The following TNRC6A variants were observed in gnomAD, a reference collection of about 807,000 sequenced individuals.
TNRC6A encodes trinucleotide repeat containing adaptor 6A.
In TNRC6A, 44 loss-of-function variants were observed where a neutral mutation model predicts 221.2. That is an observed-to-expected ratio of 0.20 (90% CI 0.16 to 0.26). The LOEUF is 0.26. Among genes scored for constraint, TNRC6A ranks in the 10% least tolerant of loss-of-function variants. The pLI is 1.00. For missense variants in TNRC6A, 2,199 were observed against 2,404.4 expected (o/e 0.91, Z 1.79); for synonymous variants, 847 against 838.5 (o/e 1.01, Z -0.18).
At chr16:24,702,107 CTTTTTTTT>C (rs201421601) in intron 2 of TNRC6A, among the ~76,000 whole-genome samples, 3 of 50,252 alleles carry the variant, frequency 6.0e-5, no homozygotes, top group Non-Finnish European at 1.1e-4. Flanking sequence ...TTTCTTTTTT[CTTTTTTTT>C]TTTTTTTTTT....
At chr16:24,741,376 G>A (rs1260084736) in intron 2 of TNRC6A, among the ~76,000 whole-genome samples, 1 of 152,142 alleles carries the variant, frequency 6.6e-6, no homozygotes, top group Admixed American at 6.5e-5. Flanking sequence ...TGCTTTTTCT[G>A]TGTCTCTTGA....
chr16:24,738,049 C>G (rs929008863), intron 2 of TNRC6A, among the ~76,000 whole-genome samples: 2 of 152,186 alleles, frequency 1.3e-5, no homozygotes, highest in African/African-American at 4.8e-5. Flanking sequence ...AATGTGCATT[C>G]TCTACACTGC....
At chr16:24,763,613 C>T (rs766717398) in intron 4 of TNRC6A, among the ~76,000 whole-genome samples, 4 of 152,186 alleles carry the variant, frequency 2.6e-5, no homozygotes, top group Non-Finnish European at 4.4e-5. Context: ...ATTCTAAACT[C>T]AGGTTTCATA....
intron 1 of TNRC6A, among the ~76,000 whole-genome samples, chr16:24,623,227 C>T (rs1900774910): frequency 6.6e-6 from 1 of 150,970 alleles, no homozygotes; most frequent in Admixed American, 6.6e-5. Flanking sequence ...GAGACGGAGT[C>T]TCCTTCTGTC....
chr16:24,787,664 G>A (rs534441538), intron 5 of TNRC6A, among the ~76,000 whole-genome samples: 24 of 152,202 alleles, frequency 1.6e-4, no homozygotes, highest in Middle Eastern at 3.2e-3. Context: ...TAAACAGGGA[G>A]TGGAAATTAG....
At chr16:24,806,319 G>A (rs777139798) in intron 16 of TNRC6A, 36 bp downstream of exon 16, 1 of 1,609,582 alleles carries the variant, frequency 6.2e-7, no homozygotes, top group Non-Finnish European at 8.5e-7. Flanking sequence ...TGCTGTCTTT[G>A]TGTTAATAAA....
At chr16:24,809,935 C>G (rs1161806939) in intron 18 of TNRC6A, among the ~76,000 whole-genome samples, 1 of 152,190 alleles carries the variant, frequency 6.6e-6, no homozygotes, top group East Asian at 1.9e-4. Flanking sequence ...ACCTCAGCCT[C>G]CTGAGTAGCT....
intron 4 of TNRC6A, among the ~76,000 whole-genome samples, chr16:24,771,591 T>TTTATGTTATGTTATGTTATGTTGTG (rs2057609129): frequency 3.3e-5 from 5 of 149,524 alleles, no homozygotes; most frequent in Non-Finnish European, 7.4e-5. Context: ...GTTGTTATGT[T>TTTATGTTATGTTATGTTATGTTGTG]ATGTTATGTT....
chr16:24,777,663 G>A (rs999118177), intron 5 of TNRC6A, among the ~76,000 whole-genome samples: 4 of 152,140 alleles, frequency 2.6e-5, no homozygotes, highest in African/African-American at 9.7e-5. Flanking sequence ...CCCAGGCCAT[G>A]TGCTGAGCAG....
At chr16:24,660,739 CTTTTTTTT>C (rs58299677) in intron 2 of TNRC6A, among the ~76,000 whole-genome samples, 2 of 91,288 alleles carry the variant, frequency 2.2e-5, no homozygotes, top group African/African-American at 9.1e-5. Context: ...TTTTTTTTTT[CTTTTTTTT>C]TTTTTTTTTT....
chr16:24,664,165 C>T (rs2141939337), intron 2 of TNRC6A, among the ~76,000 whole-genome samples: 1 of 152,022 alleles, frequency 6.6e-6, no homozygotes, highest in East Asian at 1.9e-4. Flanking sequence ...AACCCCATCT[C>T]TACTAAAAAT....
At chr16:24,644,864 A>G (rs1212029151) in intron 2 of TNRC6A, among the ~76,000 whole-genome samples, 1 of 152,256 alleles carries the variant, frequency 6.6e-6, no homozygotes, top group Non-Finnish European at 1.5e-5. Flanking sequence ...TTAACATTAC[A>G]ATTTATTGAA....
intron 2 of TNRC6A, among the ~76,000 whole-genome samples, chr16:24,684,792 C>A (rs1057118863): frequency 1.1e-4 from 16 of 152,142 alleles, no homozygotes; most frequent in Non-Finnish European, 8.8e-5. Context: ...GGCAACAGAG[C>A]GAGACTGTGT....
At chr16:24,793,423 C>T (rs1340839043) in intron 6 of TNRC6A, 50 bp from the exon 7 acceptor site, 1 of 1,318,770 alleles carries the variant, frequency 7.6e-7, no homozygotes, top group Non-Finnish European at 9.8e-7. Flanking sequence ...TATTCCACTG[C>T]ACCTCCTTAC....
chr16:24,760,535 AT>A (rs2151511874), intron 4 of TNRC6A, among the ~76,000 whole-genome samples: 1 of 152,242 alleles, frequency 6.6e-6, no homozygotes, highest in African/African-American at 2.4e-5. Context: ...CACTCATGTC[AT>A]CCTTCTTTTC....
intron 2 of TNRC6A, among the ~76,000 whole-genome samples, chr16:24,700,702 G>A (rs1298331987): frequency 6.6e-6 from 1 of 152,104 alleles, no homozygotes; most frequent in Non-Finnish European, 1.5e-5. Flanking sequence ...TGACCGCTGT[G>A]CCTGTCTGGC....
intron 2 of TNRC6A, among the ~76,000 whole-genome samples, chr16:24,656,480 AAG>A (rs1351073980): frequency 6.6e-6 from 1 of 151,142 alleles, no homozygotes. Context: ...AAAAAAAAAA[AAG>A]AGAGAGAGAG....
At chr16:24,679,357 G>A (rs2055485070) in intron 2 of TNRC6A, among the ~76,000 whole-genome samples, 1 of 151,586 alleles carries the variant, frequency 6.6e-6, no homozygotes, top group African/African-American at 2.4e-5. Context: ...AGGCTGGAAT[G>A]TAGTGGCACA....
At chr16:24,711,256 C>T (rs2056201132) in intron 2 of TNRC6A, among the ~76,000 whole-genome samples, 1 of 152,172 alleles carries the variant, frequency 6.6e-6, no homozygotes, top group Non-Finnish European at 1.5e-5. Flanking sequence ...GATCATCCCG[C>T]CTCGGCCTCC....
Sources: allele counts gnomAD v4.1 joint callset (sites outside exome capture counted in the v4.1 genomes callset), GRCh38; gene constraint gnomAD v4.1.1; transcripts MANE v1.5; gene names NCBI Gene and HGNC (gene_info 2026-07-23, HGNC 2026-07-21).